Variants in GPATCH1 observed in about 807,000 individuals in gnomAD.
GPATCH1 encodes the protein G-patch domain containing 1, also known as G patch domain-containing protein 1.
GPATCH1 carries 73 observed loss-of-function variants against 114.9 expected under a neutral mutation model. The observed-to-expected ratio is 0.64, with a 90% CI of 0.53 to 0.77. The LOEUF is 0.77. Among genes scored for constraint, GPATCH1 ranks in the 30% least tolerant of loss-of-function variants. The pLI is 0.00. For synonymous variants in GPATCH1, 391 were observed against 428.4 expected, an observed-to-expected ratio of 0.91 and a Z score of 1.08; for missense variants, 1,058 against 1,144.3, an observed-to-expected ratio of 0.92 and a Z score of 1.09.
chr19:33,087,126 C>T (rs1039390747), intron 1 of GPATCH1, among the ~76,000 whole-genome samples: 1 of 152,136 alleles, frequency 6.6e-6, no homozygotes, highest in Non-Finnish European at 1.5e-5. Flanking sequence ...AGAGTCAAGG[C>T]TGACCAAAGT....
chr19:33,117,764 A>C, intron 15 of GPATCH1, 61 bp from the exon 16 acceptor site: 3 of 1,173,898 alleles, frequency 2.6e-6, no homozygotes, highest in Non-Finnish European at 3.8e-6. Context: ...GTATTCTAGA[A>C]TGTCTCCTCC....
chr19:33,106,258 C>T (rs1166745803), intron 9 of GPATCH1, among the ~76,000 whole-genome samples: 2 of 152,134 alleles, frequency 1.3e-5, no homozygotes. Context: ...CCCATCTTGG[C>T]CTCCCAGAGT....
Position 33,105,009 on chromosome 19 carries a change from CCAAA to C in GPATCH1, c.1081-1683_1081-1680del, listed in dbSNP as rs540504817. ...TCAGTGTTAAAAATCCCCAAATTTC[CCAAA>C]CAGATTTTCATTTCACTTCCGTCAA... On this transcript the variant is annotated intron_variant, in intron 9 of 19. Coordinates refer to ENST00000170564, the MANE Select transcript of GPATCH1 (RefSeq NM_018025.3). Among the ~76,000 whole-genome samples the C allele has an allele frequency of 3.3e-5, 5 of 152,172 alleles. No individual in the cohort carries two copies. In the South Asian group the frequency reaches 8.3e-4, roughly 25 times the overall value.
intron 1 of GPATCH1, 40 bp downstream of exon 1, chr19:33,081,306 G>A: frequency 4.7e-6 from 7 of 1,493,244 alleles, no homozygotes; most frequent in Admixed American, 2.0e-5. Context: ...TGGAAAACAG[G>A]CCAAGGGCCC....
At chr19:33,120,287 TTA>T (rs375132440) in intron 17 of GPATCH1, among the ~76,000 whole-genome samples, 1,098 of 62,544 alleles carry the variant, frequency 0.018, 16 homozygotes, top group African/African-American at 0.14. Context: ...TATATAAAAA[TTA>T]TATATAAAAT....
intron 18 of GPATCH1, among the ~76,000 whole-genome samples, chr19:33,125,864 GC>G (rs1973035266): frequency 6.6e-6 from 1 of 152,158 alleles, no homozygotes; most frequent in Admixed American, 6.6e-5. Context: ...TCCGTCACTT[GC>G]CGTTTGAAGT....
At position 33,111,736 on chromosome 19, in the gene GPATCH1, G is replaced by A. The variant is rs759685391; in HGVS notation, c.1598G>A (p.Arg533His). ...MKQGQKDALE[R>H]CLDPSMTEWE... ...TCTGCCCCCGCAGATGCTCTGGAAC[G>A]CTGTCTGGACCCCAGCATGACAGAG... Residue 533 changes from arginine to histidine, a missense_variant, in exon 12 of 20, where the codon CGC becomes CAC. By Grantham distance (29) the Arg-to-His change is conservative (BLOSUM62 0). Around this residue, in one of 3 missense-constraint regions of GPATCH1, gnomAD observed 893 missense variants for 977.4 expected, o/e 0.91. Transcript: ENST00000170564. The A allele has an allele frequency of 1.4e-5, 22 of 1,613,724 alleles. No individual in the cohort carries two copies. The highest frequency in any genetic ancestry group is 1.9e-5 in the Non-Finnish European group (22 of 1,179,980).
chr19:33,088,139 A>G lies in GPATCH1; in HGVS notation c.79A>G (p.Arg27Gly). 6.7e-7 allele frequency: 1 copy of G among 1,501,888 alleles called. No homozygotes were observed. Among genetic ancestry groups the G allele is most frequent in the South Asian group, 1.4e-5 (1 of 72,736 alleles). 93.0% of individuals were successfully genotyped at this position (1,501,888 alleles called of 1,614,324 possible). A position where few individuals can be genotyped will look rare whatever the true frequency, so the allele number is the denominator to read the frequency against. The part of the protein sequence containing the change: ...TGLEPLEEGE[R>G]PKKPIPLQDQ... ...TTTTTTTTTTTTTTTTTTAGGTGAA[A>G]GACCAAAGAAACCAATCCCTCTTCA... is the stretch of plus-strand genomic sequence containing the variant. The change falls in exon 2 of 20, where the codon AGA becomes GGA. Residue 27 changes from arginine (R) to glycine (G), a missense_variant. Coordinates refer to ENST00000170564, the MANE Select transcript of GPATCH1 (RefSeq NM_018025.3).
chr19:33,083,130 G>C (rs1424023818), intron 1 of GPATCH1, among the ~76,000 whole-genome samples: 1 of 150,602 alleles, frequency 6.6e-6, no homozygotes, highest in Admixed American at 6.6e-5. Flanking sequence ...TGTAGTCCCA[G>C]CTACTCGGGA....
rs754251386 is a variant in GPATCH1, at chr19:33,117,913, C to T, written c.2285C>T (p.Ser762Leu). ...DLFRAIFASS[S>L]DEKSSSSEDE... ...TTCAGGGCCATCTTTGCCAGTTCCT[C>T]AGATGAAAAGTCCTCATCCTCCGAG... Residue 762 changes from serine (S) to leucine (L), a missense_variant, in exon 16 of 20, where the codon TCA becomes TTA. By Grantham distance (145) the Ser-to-Leu change is moderately radical. Coordinates refer to ENST00000170564, the MANE Select transcript of GPATCH1 (RefSeq NM_018025.3). 6.2e-7 allele frequency: 1 copy of T among 1,613,842 alleles called. No individual in the cohort carries two copies. Among genetic ancestry groups the T allele is most frequent in the Non-Finnish European group, 8.5e-7 (1 of 1,179,846 alleles).
Position 33,097,865 on chromosome 19 carries a change from T to C in GPATCH1, c.963T>C (p.Tyr321=). The C allele has an allele frequency of 3.1e-6, 5 of 1,614,150 alleles. No individual in the cohort carries two copies. The highest frequency in any genetic ancestry group is 4.2e-6 in the Non-Finnish European group (5 of 1,179,988). Residue 321 remains tyrosine (Y), a synonymous_variant, in exon 8 of 20, where the codon TAT becomes TAC. Transcript: ENST00000170564. ...LKDEEPGDGL[Y]GWTAPRQYKN... ...ACGAGGAGCCTGGAGACGGACTCTATGGCTGGACAGCACCCAGGCAGTATA... is the reference window on the plus strand; with the variant it reads ...ACGAGGAGCCTGGAGACGGACTCTACGGCTGGACAGCACCCAGGCAGTATA...
intron 18 of GPATCH1, among the ~76,000 whole-genome samples, 189 bp from the exon 19 acceptor site, chr19:33,126,399 C>T (rs759597602): frequency 3.1e-4 from 47 of 152,146 alleles, no homozygotes; most frequent in African/African-American, 1.0e-3. Context: ...GGTCAGGGTG[C>T]GCAGTTGAGA....
chr19:33,125,690 T>G lies in GPATCH1; in HGVS notation c.2619+488T>G, dbSNP rs1329482797. ...CATGCCCAGCCCTTAAAAAAACTTT[T>G]TTTGTGAACATTAAAAAGCAGAAAA... On this transcript the variant is annotated intron_variant, in intron 18 of 19. Transcript: ENST00000170564. 2.0e-5 allele frequency among the ~76,000 whole-genome samples: 3 copies of G among 152,174 alleles called. 1 individual carries two copies. Among genetic ancestry groups the G allele is most frequent in the Non-Finnish European group, 4.4e-5 (3 of 68,038 alleles).
At chr19:33,094,410 A>C (rs1972632518) in intron 5 of GPATCH1, 141 bp downstream of exon 5, 2 of 592,196 alleles carry the variant, frequency 3.4e-6, no homozygotes, top group Admixed American at 5.8e-5. Context: ...TCCCGGGCTC[A>C]AGTGATCCTT....
At chr19:33,099,689 C>T (rs1404170628) in intron 8 of GPATCH1, among the ~76,000 whole-genome samples, 1 of 151,956 alleles carries the variant, frequency 6.6e-6, no homozygotes, top group Non-Finnish European at 1.5e-5. Context: ...ACCTCCGTCC[C>T]CCGGGTTCAA....
chr19:33,116,031 T>C (rs1350520666), intron 15 of GPATCH1, among the ~76,000 whole-genome samples: 4 of 152,092 alleles, frequency 2.6e-5, no homozygotes, highest in Non-Finnish European at 5.9e-5. Flanking sequence ...TTTTTTTCTC[T>C]TGGTATTTTT....
In GPATCH1 at chr19:33,111,817, C is replaced by G. The variant is rs760430607; in HGVS notation, c.1679C>G (p.Ser560Cys). 1.2e-6 allele frequency: 2 copies of G among 1,613,964 alleles called. No homozygotes were observed. The highest frequency in any genetic ancestry group is 1.7e-6 in the Non-Finnish European group (2 of 1,179,930). Residue 560 changes from serine (S) to cysteine (C), a missense_variant, in exon 12 of 20, where the codon TCT becomes TGT. Around this residue, in one of 3 missense-constraint regions of GPATCH1, gnomAD observed 893 missense variants for 977.4 expected, o/e 0.91. Coordinates refer to ENST00000170564, the MANE Select transcript of GPATCH1 (RefSeq NM_018025.3). ...EFARAALLYA[S>C]SHSTLSSRFT... ...GCCCGGGCGGCCCTGCTGTACGCAT[C>G]TTCCCATTCGACCTTGTCCTCCAGG... is the stretch of plus-strand genomic sequence containing the variant.
Position 33,109,987 on chromosome 19 carries a change from T to A in GPATCH1, c.1556T>A (p.Phe519Tyr). Residue 519 changes from phenylalanine to tyrosine, a missense_variant, in exon 11 of 20, where the codon TTC (phenylalanine) becomes TAC (tyrosine). By Grantham distance (22) the Phe-to-Tyr change is conservative. This residue lies in a region of GPATCH1 where 893 missense variants were observed against 977.4 expected (regional missense o/e 0.91). Coordinates refer to ENST00000170564, the MANE Select transcript of GPATCH1 (RefSeq NM_018025.3). ...DPEKQKRYDE[F>Y]LVHMKQGQKD... is the part of the protein sequence containing the mutation. Reference sequence around the variant, plus strand: ...GAAAAGCAAAAGCGATACGACGAGTTCTTAGTACACATGAAACAGGGTCAG... The same window carrying A: ...GAAAAGCAAAAGCGATACGACGAGTACTTAGTACACATGAAACAGGGTCAG... 9 of 1,612,420 alleles carry A rather than the reference T, an allele frequency of 5.6e-6. No homozygotes were observed. Among genetic ancestry groups the A allele is most frequent in the Non-Finnish European group, 7.6e-6 (9 of 1,179,038 alleles).
chr19:33,110,024 C>T lies in GPATCH1; in HGVS notation c.1585+8C>T. The T allele has an allele frequency of 6.3e-7, 1 of 1,589,122 alleles. No individual in the cohort carries two copies. The highest frequency in any genetic ancestry group is 8.6e-7 in the Non-Finnish European group (1 of 1,165,872). ...TGAAACAGGGTCAGAAAGGTGGGTG[C>T]TGGGCCTGGGTGTCCCAAATCTCGG... On this transcript the variant is annotated splice_region_variant and intron_variant, in intron 11 of 19. Transcript: ENST00000170564.
Sources: gnomAD v4.1 joint callset for allele counts (sites outside exome capture counted in the v4.1 genomes callset) on GRCh38, gnomAD v4.1.1 for gene constraint, gnomAD v4.1.1 regional missense constraint, MANE v1.5 for transcripts, NCBI Gene and HGNC (gene_info 2026-07-23, HGNC 2026-07-21) for gene names.